GRXCR2: variants seen among roughly 807,000 people sequenced by gnomAD.
GRXCR2 encodes glutaredoxin domain-containing cysteine-rich protein 2.
Under a neutral mutation model 24.8 loss-of-function variants are expected in GRXCR2, and 23 were observed. That is an observed-to-expected ratio of 0.93 (90% confidence interval 0.67 to 1.32). GRXCR2 has a LOEUF of 1.32. Among genes scored for constraint, GRXCR2 ranks in the 40% most tolerant of loss-of-function variants. The pLI, the probability that GRXCR2 is intolerant of heterozygous loss-of-function variation, is 0.00. For missense variants in GRXCR2, 315 were observed against 303.4 expected, an observed-to-expected ratio of 1.04 and a Z score of -0.28; for synonymous variants, 130 against 116.1, an observed-to-expected ratio of 1.12 and a Z score of -0.77.
At chr5:145,897,922 A>G (rs1756972442) in intron 2 of GRXCR2, among the ~76,000 whole-genome samples, 1 of 152,118 alleles carries the variant, frequency 6.6e-6, no homozygotes, top group Non-Finnish European at 1.5e-5. Context: ...GAAAAACAAG[A>G]TAAAACTAAC....
intron 2 of GRXCR2, among the ~76,000 whole-genome samples, chr5:145,908,679 G>C (rs1015100389): frequency 6.6e-6 from 1 of 152,162 alleles, no homozygotes; most frequent in Non-Finnish European, 1.5e-5. Context: ...AAAAACTCCA[G>C]GGATGCTCAC....
chr5:145,912,122 A>T (rs1757174698), intron 2 of GRXCR2, among the ~76,000 whole-genome samples: 1 of 152,218 alleles, frequency 6.6e-6, no homozygotes, highest in South Asian at 2.1e-4. Flanking sequence ...CCTGACACCC[A>T]GAAGGCAATC....
At chr5:145,861,648 T>A (rs1236389601) in intron 2 of GRXCR2, among the ~76,000 whole-genome samples, 1 of 152,166 alleles carries the variant, frequency 6.6e-6, no homozygotes, top group East Asian at 1.9e-4. Flanking sequence ...TTCCCAAACA[T>A]CTAGTGCAGT....
intron 2 of GRXCR2, among the ~76,000 whole-genome samples, chr5:145,893,134 A>G (rs559914163): frequency 0.023 from 3,573 of 152,264 alleles, 154 homozygotes; most frequent in African/African-American, 0.082. Flanking sequence ...TGAAGGAAGC[A>G]CTAAATATGG....
intron 2 of GRXCR2, among the ~76,000 whole-genome samples, chr5:145,915,903 C>T (rs775555296): frequency 1.3e-5 from 2 of 152,132 alleles, no homozygotes; most frequent in East Asian, 1.9e-4. Flanking sequence ...GCTTTCAGCA[C>T]GGGCCTGGAA....
chr5:145,876,173 A>T (rs931205199), upstream of GRXCR2, among the ~76,000 whole-genome samples: 1 of 127,174 alleles, frequency 7.9e-6, no homozygotes, highest in East Asian at 2.3e-4. Context: ...TCTCTTAAAA[A>T]ATTGTATGTG....
chr5:145,878,163 C>G (rs1385853101), intron 2 of GRXCR2, among the ~76,000 whole-genome samples: 1 of 152,178 alleles, frequency 6.6e-6, no homozygotes, highest in African/African-American at 2.4e-5. Flanking sequence ...ACCTTCTCAC[C>G]AGCAACGGAT....
chr5:145,887,780 G>A (rs1482205133), intron 2 of GRXCR2, among the ~76,000 whole-genome samples: 1 of 152,120 alleles, frequency 6.6e-6, no homozygotes, highest in Non-Finnish European at 1.5e-5. Context: ...ACCAAGAGTT[G>A]TCCACCATTT....
At chr5:145,860,556 TGACTGAGA>T (rs1756317549) in intron 2 of GRXCR2, among the ~76,000 whole-genome samples, 1 of 152,204 alleles carries the variant, frequency 6.6e-6, no homozygotes, top group African/African-American at 2.4e-5. Flanking sequence ...CTGTTCTGTG[TGACTGAGA>T]GACTGAGTGG....
chr5:145,903,812 G>C (rs61016361), intron 2 of GRXCR2, among the ~76,000 whole-genome samples: 2,846 of 152,210 alleles, frequency 0.019, 61 homozygotes, highest in African/African-American at 0.055. Flanking sequence ...TTCTGGAGCA[G>C]GCACACAACT....
upstream of GRXCR2, among the ~76,000 whole-genome samples, chr5:145,874,007 A>G (rs1756573873): frequency 6.6e-6 from 1 of 152,128 alleles, no homozygotes; most frequent in South Asian, 2.1e-4. Flanking sequence ...CTAAGGAGAC[A>G]AGGATGGAAG....
intron 2 of GRXCR2, among the ~76,000 whole-genome samples, chr5:145,885,911 G>C (rs1756773172): frequency 6.6e-6 from 1 of 152,166 alleles, no homozygotes; most frequent in African/African-American, 2.4e-5. Context: ...GTAGTTCACA[G>C]TCGGGAAAAC....
rs574573187 is a variant in GRXCR2 at position 145,880,743 on chromosome 5, C to T, written c.-69-14015G>A. ...CACAACAAGAAAAGAGAATTTTAGACGAATATCCCTGATGAACATGAGTGC... is the reference window on the plus strand; with the variant it reads ...CACAACAAGAAAAGAGAATTTTAGATGAATATCCCTGATGAACATGAGTGC... On this transcript the variant is annotated intron_variant, in intron 2 of 3. Coordinates refer to the GRXCR2 transcript ENST00000639411. 2.7e-4 allele frequency among the ~76,000 whole-genome samples: 41 copies of T among 152,266 alleles called. 1 individual carries two copies. The highest frequency in any genetic ancestry group is 8.2e-4 in the African/African-American group (34 of 41,560).
At chr5:145,909,792 T>C (rs1581351475) in intron 2 of GRXCR2, among the ~76,000 whole-genome samples, 1 of 152,304 alleles carries the variant, frequency 6.6e-6, no homozygotes, top group East Asian at 1.9e-4. Context: ...AAATCCTTTT[T>C]AATCAATTAG....
chr5:145,898,369 G>A (rs1756978061), intron 2 of GRXCR2, among the ~76,000 whole-genome samples: 2 of 151,142 alleles, frequency 1.3e-5, no homozygotes, highest in South Asian at 2.1e-4. Flanking sequence ...TCAAGGAAAA[G>A]CTGGCACCAC....
At chr5:145,858,031 G>C (rs999105059), downstream of GRXCR2, among the ~76,000 whole-genome samples, 1 of 152,062 alleles carries the variant, frequency 6.6e-6, no homozygotes, top group African/African-American at 2.4e-5. Flanking sequence ...AAGCAGAATA[G>C]AGCCAGGCGC....
rs536223233 is a variant in GRXCR2 at position 145,865,324 on chromosome 5, A to AC, written c.564+1176dup. The stretch of plus-strand genomic sequence containing the variant: ...TAAATGCATCAAAATTGCTTCCTCC[A>AC]CCCCCAACCTCACACTGTGAATGAA... On this transcript the variant is annotated intron_variant, in intron 2 of 2. Transcript: ENST00000377976. Among the ~76,000 whole-genome samples, 931 of 151,870 alleles carry AC rather than the reference A, an allele frequency of 6.1e-3. 3 individuals carry two copies. The highest frequency in any genetic ancestry group is 0.01 in the Non-Finnish European group (712 of 67,948).
intron 2 of GRXCR2, among the ~76,000 whole-genome samples, chr5:145,864,801 C>T (rs983244591): frequency 8.6e-5 from 13 of 151,994 alleles, no homozygotes; most frequent in Admixed American, 5.2e-4. Flanking sequence ...AGTGTGAAAA[C>T]GGACTAATAC....
At chr5:145,864,611 T>C (rs1434074288) in intron 2 of GRXCR2, among the ~76,000 whole-genome samples, 1 of 152,138 alleles carries the variant, frequency 6.6e-6, no homozygotes, top group East Asian at 1.9e-4. Context: ...AGCATGGCAC[T>C]TTCTCAAGCT....
Sources: gnomAD v4.1 joint callset for allele counts (sites outside exome capture counted in the v4.1 genomes callset) on GRCh38, gnomAD v4.1.1 for gene constraint, MANE v1.5 for transcripts, NCBI Gene and HGNC (gene_info 2026-07-23, HGNC 2026-07-21) for gene names.